Variants in PEX14 observed in about 807,000 individuals in gnomAD.
The protein encoded by PEX14 is peroxisomal membrane protein PEX14.
A neutral mutation model predicts 49.5 loss-of-function variants in PEX14; 15 were observed. That is an observed-to-expected ratio of 0.30 (90% CI 0.20 to 0.47). The LOEUF is 0.47. Among genes scored for constraint, PEX14 ranks in the 20% least tolerant of loss-of-function variants. PEX14 has a pLI of 1.00. For missense variants in PEX14, 398 were observed against 494.8 expected (o/e 0.80, Z 1.86); for synonymous variants, 210 against 212.7 (o/e 0.99, Z 0.11).
chr1:10,536,104 C>T, intron 2 of PEX14, 109 bp from the exon 3 acceptor site: 1 of 772,192 alleles, frequency 1.3e-6, no homozygotes, highest in South Asian at 1.4e-5. Flanking sequence ...AATTTGACCA[C>T]AATAGTATGC....
chr1:10,609,463 C>T (rs909612172), intron 4 of PEX14, among the ~76,000 whole-genome samples: 1 of 152,204 alleles, frequency 6.6e-6, no homozygotes, highest in Non-Finnish European at 1.5e-5. Flanking sequence ...ACTACAATCA[C>T]AATATAGAAA....
At chr1:10,570,329 G>A (rs1639934357) in intron 3 of PEX14, among the ~76,000 whole-genome samples, 1 of 151,092 alleles carries the variant, frequency 6.6e-6, no homozygotes, top group African/African-American at 2.5e-5. Flanking sequence ...GTTTTTGGAT[G>A]GCTGTTTTTC....
intron 4 of PEX14, among the ~76,000 whole-genome samples, chr1:10,604,176 G>T (rs1641064774): frequency 6.6e-6 from 1 of 152,200 alleles, no homozygotes; most frequent in South Asian, 2.1e-4. Flanking sequence ...GGTGGTCCCG[G>T]TGAGGACGGT....
chr1:10,477,656 A>G (rs552218264), intron 1 of PEX14, among the ~76,000 whole-genome samples: 1 of 152,312 alleles, frequency 6.6e-6, no homozygotes, highest in East Asian at 1.9e-4. Flanking sequence ...GTTTCCAGCT[A>G]TTAAAGGTGA....
intron 2 of PEX14, among the ~76,000 whole-genome samples, chr1:10,510,917 A>G (rs2124435529): frequency 6.6e-6 from 1 of 152,320 alleles, no homozygotes; most frequent in African/African-American, 2.4e-5. Flanking sequence ...AGGAAACATT[A>G]TAACTGAGAC....
At chr1:10,580,834 A>T (rs908196583) in intron 3 of PEX14, among the ~76,000 whole-genome samples, 1 of 151,814 alleles carries the variant, frequency 6.6e-6, no homozygotes, top group Admixed American at 6.6e-5. Context: ...TCAAGTTCAT[A>T]TGCTGCTTAT....
At position 10,579,441 on chromosome 1, in the gene PEX14, C is replaced by T. The variant is rs148833710; in HGVS notation, c.170-19797C>T. Among the ~76,000 whole-genome samples, 643 of 152,246 alleles carry T rather than the reference C, an allele frequency of 4.2e-3. 6 individuals are homozygous for T. The highest frequency in any genetic ancestry group is 0.015 in the African/African-American group (612 of 41,540). Reference sequence around the variant, plus strand: ...TAATACTGTTACAAGAAAGAGAAATCTGTTAGGGAAGAGGTCCCAATCCAG... The same window carrying T: ...TAATACTGTTACAAGAAAGAGAAATTTGTTAGGGAAGAGGTCCCAATCCAG... On this transcript the variant is annotated intron_variant, in intron 3 of 8. Coordinates refer to ENST00000356607, the MANE Select transcript of PEX14 (RefSeq NM_004565.3).
chr1:10,534,841 G>A (rs1638752915), intron 2 of PEX14, among the ~76,000 whole-genome samples: 1 of 152,156 alleles, frequency 6.6e-6, no homozygotes, highest in African/African-American at 2.4e-5. Flanking sequence ...AGGGGTTGCA[G>A]GGAAAATGAA....
At chr1:10,579,916 AT>A (rs1640262856) in intron 3 of PEX14, among the ~76,000 whole-genome samples, 1 of 151,980 alleles carries the variant, frequency 6.6e-6, no homozygotes, top group Admixed American at 6.6e-5. Context: ...TTGGAAATGC[AT>A]CCCAGTAGGT....
chr1:10,559,000 A>G (rs1428200936), intron 3 of PEX14, among the ~76,000 whole-genome samples: 1 of 152,158 alleles, frequency 6.6e-6, no homozygotes, highest in East Asian at 1.9e-4. Flanking sequence ...ATAGTTAGGA[A>G]AGCTGTTGAT....
At chr1:10,549,008 G>A in intron 3 of PEX14, among the ~76,000 whole-genome samples, 1 of 152,268 alleles carries the variant, frequency 6.6e-6, no homozygotes. Context: ...TAATTAGATT[G>A]TTGAGTAGAT....
rs1641844260 is a variant in PEX14 at position 10,629,448 on chromosome 1, T to G, written c.678-83T>G. On this transcript the variant is annotated intron_variant, in intron 8 of 8. Transcript: ENST00000356607. The surrounding 1 kb of genome is among the most constrained non-coding windows in gnomAD (Gnocchi z 8.5). ...GGAGCAGCTCACCATCGCCGAGCCC[T>G]TGCGGGTCAGGGAAGGCGTGGCCCT... 3.2e-6 allele frequency: 3 copies of G among 948,530 alleles called. No homozygotes were observed. The South Asian group carries it at 4.1e-5, about 13-fold the overall frequency. The allele number at this position is 948,530 out of a possible 1,614,324, so 58.8% of individuals were successfully genotyped here.
chr1:10,625,238 C>T (rs1002395173), intron 7 of PEX14, among the ~76,000 whole-genome samples: 9 of 152,244 alleles, frequency 5.9e-5, no homozygotes, highest in Admixed American at 2.6e-4. Context: ...ATCCCTGAGG[C>T]GGTATCAGAC....
intron 2 of PEX14, among the ~76,000 whole-genome samples, chr1:10,508,672 G>C (rs1388979770): frequency 6.6e-6 from 1 of 152,220 alleles, no homozygotes; most frequent in Non-Finnish European, 1.5e-5. Context: ...GAGGAGAAAG[G>C]CTGGTTGCAG....
At chr1:10,475,147 C>T in intron 1 of PEX14, 145 bp downstream of exon 1, 1 of 730,990 alleles carries the variant, frequency 1.4e-6, no homozygotes, top group Non-Finnish European at 2.4e-6. Context: ...CCCGCCCCTC[C>T]CCAGGTCCTC....
rs140575880 is a variant in PEX14, at chr1:10,630,124, G to A, written c.*137G>A. ...GCAGAGCTGTCCTCAGCTGCACTGCGGCCTGGTGGCAGTGTGGGGAGTCAC... is the reference window on the plus strand; with the variant it reads ...GCAGAGCTGTCCTCAGCTGCACTGCAGCCTGGTGGCAGTGTGGGGAGTCAC... On this transcript the variant is annotated 3_prime_UTR_variant, in exon 9 of 9. Transcript: ENST00000356607. The surrounding 1 kb of genome is among the most constrained non-coding windows in gnomAD (Gnocchi z 4.1). The A allele has an allele frequency of 7.7e-5, 103 of 1,339,864 alleles. No individual in the cohort carries two copies. The African/African-American group carries it at 9.7e-4, about 13-fold the overall frequency. 83.0% of individuals were successfully genotyped at this position (1,339,864 alleles called of 1,614,324 possible).
chr1:10,624,966 G>A (rs554920851), intron 7 of PEX14, among the ~76,000 whole-genome samples: 2 of 152,192 alleles, frequency 1.3e-5, no homozygotes, highest in African/African-American at 2.4e-5. Flanking sequence ...TCCCAAGGCA[G>A]TGTCCTTGCC....
At chr1:10,564,524 A>G (rs1461040839) in intron 3 of PEX14, among the ~76,000 whole-genome samples, 12 of 148,284 alleles carry the variant, frequency 8.1e-5, no homozygotes, top group Admixed American at 4.7e-4. Context: ...CCATCCTCCT[A>G]CCTTAGTCTC....
chr1:10,614,684 GA>G (rs1014062221), intron 4 of PEX14, among the ~76,000 whole-genome samples: 2 of 152,234 alleles, frequency 1.3e-5, no homozygotes, highest in African/African-American at 4.8e-5. Flanking sequence ...TGGTGTCTGA[GA>G]AATCAGTGGT....
Sources: gnomAD v4.1 joint callset for allele counts (sites outside exome capture counted in the v4.1 genomes callset) on GRCh38, gnomAD v4.1.1 for gene constraint, Gnocchi (gnomAD v3.1) non-coding constraint, MANE v1.5 for transcripts, NCBI Gene and HGNC (gene_info 2026-07-23, HGNC 2026-07-21) for gene names.